Variants in SPTBN4 observed in about 807,000 individuals in gnomAD.
SPTBN4 encodes spectrin beta, non-erythrocytic 4.
Under a neutral mutation model 277.8 loss-of-function variants are expected in SPTBN4, and 96 were observed. That is an observed-to-expected ratio of 0.35 (90% CI 0.29 to 0.41). SPTBN4 has a LOEUF of 0.41. Ranked by LOEUF, SPTBN4 falls within the 10% of genes least tolerant of loss-of-function variation. The probability of loss-of-function intolerance (pLI) is 1.00; values close to 1 mark genes in which losing one functional copy is unlikely to be tolerated. For missense variants in SPTBN4, 3,006 were observed against 3,595.7 expected, an observed-to-expected ratio of 0.84 and a Z score of 4.19; for synonymous variants, 1,481 against 1,580.3, an observed-to-expected ratio of 0.94 and a Z score of 1.49.
At chr19:40,530,493 C>T in intron 18 of SPTBN4, 10 of 979,546 alleles carry the variant, frequency 1.0e-5, no homozygotes, top group Non-Finnish European at 1.2e-5. Flanking sequence ...CCGCCGGAGC[C>T]TCAGCCTTCG....
chr19:40,468,080 C>CTTTT (rs10622374), intron 1 of SPTBN4, among the ~76,000 whole-genome samples: 1 of 144,534 alleles, frequency 6.9e-6, no homozygotes, highest in Non-Finnish European at 1.5e-5. Context: ...ATTATCATTA[C>CTTTT]TTTTTTTTTT....
At chr19:40,566,480 G>T (rs867872080) in intron 30 of SPTBN4, 121 bp downstream of exon 30, 5 of 920,278 alleles carry the variant, frequency 5.4e-6, no homozygotes, top group African/African-American at 3.5e-5. Flanking sequence ...TGAGTGCCAA[G>T]ACAGACTCTT....
chr19:40,541,220 G>A (rs956986151), intron 20 of SPTBN4, among the ~76,000 whole-genome samples: 1 of 152,172 alleles, frequency 6.6e-6, no homozygotes, highest in Non-Finnish European at 1.5e-5. Context: ...CCTGTAGGGG[G>A]TTCAGTCTCA....
At chr19:40,504,546 G>A (rs2080302537) in intron 12 of SPTBN4, among the ~76,000 whole-genome samples, 2 of 152,028 alleles carry the variant, frequency 1.3e-5, no homozygotes, top group South Asian at 4.1e-4. Flanking sequence ...GCGGGCGCCT[G>A]TAGTCCCAGC....
intron 15 of SPTBN4, among the ~76,000 whole-genome samples, chr19:40,516,119 TC>T (rs2080457452): frequency 6.7e-6 from 1 of 149,816 alleles, no homozygotes; most frequent in Non-Finnish European, 1.5e-5. Flanking sequence ...ACATTTGTAG[TC>T]CCAGCTACAT....
chr19:40,496,224 A>G (rs1036165996), intron 6 of SPTBN4, among the ~76,000 whole-genome samples: 10 of 152,122 alleles, frequency 6.6e-5, no homozygotes, highest in Admixed American at 2.0e-4. Context: ...ATCTCGGCTC[A>G]CTGCAACCTC....
intron 20 of SPTBN4, among the ~76,000 whole-genome samples, chr19:40,537,111 G>T (rs547087493): frequency 2.5e-4 from 38 of 152,138 alleles, no homozygotes; most frequent in Admixed American, 5.9e-4. Flanking sequence ...CTGGGTTCAA[G>T]CAGTTCTCCT....
At position 40,550,319 on chromosome 19, in the gene SPTBN4, A is replaced by AAGAACCAGGTGAGC; in HGVS notation, c.4670_4674+9dup. ...GCAGGCGGTCCAGCAGCACATCAAA[A>AAGAACCAGGTGAGC]AGAACCAGGTGAGCAGAGCCAGGTG... is the stretch of plus-strand genomic sequence containing the variant. On this transcript the variant is annotated frameshift_variant, in exon 22 of 36. Coordinates refer to ENST00000598249, the MANE Select transcript of SPTBN4 (RefSeq NM_020971.3). LOFTEE classifies it high-confidence loss of function. 6.2e-7 allele frequency: 1 copy of AAGAACCAGGTGAGC among 1,608,774 alleles called. No homozygotes were observed.
chr19:40,484,709 C>A (rs186034421), intron 2 of SPTBN4, among the ~76,000 whole-genome samples: 30 of 151,712 alleles, frequency 2.0e-4, no homozygotes, highest in African/African-American at 7.3e-4. Flanking sequence ...GGGTGGATCA[C>A]GAGGTCAGGA....
At position 40,502,452 on chromosome 19, in the gene SPTBN4, G is replaced by GCAAC; in HGVS notation, c.1150_1153dup (p.Arg385GlnfsTer17). The GCAAC allele has an allele frequency of 6.2e-7, 1 of 1,613,628 alleles. No individual in the cohort carries two copies. The highest frequency in any genetic ancestry group is 1.3e-5 in the African/African-American group (1 of 75,040). On this transcript the variant is annotated frameshift_variant, in exon 10 of 36. Transcript: ENST00000598249. LOFTEE classifies it high-confidence loss of function. This position sits in a 1 kb window ranked among gnomAD's most constrained non-coding sequence, Gnocchi z 4.9. The stretch of plus-strand genomic sequence containing the variant: ...AGCATCCAGAGCAAACTGCGTGCCT[G>GCAAC]CAACCGTCGCCTCTTTGTGCCTCGG...
At chr19:40,548,452 T>C (rs1004103483) in intron 20 of SPTBN4, among the ~76,000 whole-genome samples, 1 of 152,090 alleles carries the variant, frequency 6.6e-6, no homozygotes, top group African/African-American at 2.4e-5. Flanking sequence ...GGTTGCCCAC[T>C]GCACTCCAGC....
At position 40,554,811 on chromosome 19, in the gene SPTBN4, C is replaced by A. The variant is rs1320599685; in HGVS notation, c.5084+165C>A. 7.5e-6 allele frequency: 8 copies of A among 1,064,538 alleles called. No homozygotes were observed. The highest frequency in any genetic ancestry group is 1.4e-6 in the Non-Finnish European group (1 of 732,410). 65.9% of individuals were successfully genotyped at this position (1,064,538 alleles called of 1,614,324 possible). A position where few individuals can be genotyped will look rare whatever the true frequency, so the allele number is the denominator to read the frequency against. ...AAGTGGGCGGGCCGGAATGGGGGGA[C>A]ACGGCTCAGGGATGGTTGAGAGGGT... On this transcript the variant is annotated intron_variant, in intron 24 of 35. Coordinates refer to ENST00000598249, the MANE Select transcript of SPTBN4 (RefSeq NM_020971.3). This position sits in a 1 kb window ranked among gnomAD's most constrained non-coding sequence, Gnocchi z 5.7.
rs142298838 is a variant in SPTBN4 at position 40,523,194 on chromosome 19, T to C, written c.3655-243T>C. On this transcript the variant is annotated intron_variant, in intron 16 of 35. Coordinates refer to ENST00000598249, the MANE Select transcript of SPTBN4 (RefSeq NM_020971.3). ...AGTGGGATAGGGCTGGGGTGGGAGTTGATAAATTTGGCAGGTTGGTCAGAG... is the reference window on the plus strand; with the variant it reads ...AGTGGGATAGGGCTGGGGTGGGAGTCGATAAATTTGGCAGGTTGGTCAGAG... Among the ~76,000 whole-genome samples, 191 of 152,010 alleles carry C rather than the reference T, an allele frequency of 1.3e-3. 1 individual carries two copies. The highest frequency in any genetic ancestry group is 4.4e-3 in the African/African-American group (181 of 41,446).
chr19:40,570,472 C>T lies in SPTBN4; in HGVS notation c.7063C>T (p.Arg2355Cys), dbSNP rs1340184959. Residue 2355 changes from arginine (R) to cysteine (C), a missense_variant, in exon 33 of 36, where the codon CGC (arginine) becomes TGC (cysteine). Arg to Cys is a radical substitution (Grantham distance 180, BLOSUM62 -3). Around this residue, in one of 5 missense-constraint regions of SPTBN4, gnomAD observed 630 missense variants for 677.6 expected, o/e 0.93. Transcript: ENST00000598249. ...TCAGCCACGCGAGCTTCCCCCAGGT[C>T]GCCTGCCCAACGGGCTTGAGCTGCC... The part of the protein sequence containing the change: ...LPQPRELPPG[R>C]LPNGLELPER... 1.9e-6 allele frequency: 3 copies of T among 1,565,734 alleles called. No homozygotes were observed. The highest frequency in any genetic ancestry group is 2.6e-6 in the Non-Finnish European group (3 of 1,165,002).
At chr19:40,549,123 A>C in intron 20 of SPTBN4, 66 bp from the exon 21 acceptor site, 2 of 1,320,230 alleles carry the variant, frequency 1.5e-6, no homozygotes, top group Non-Finnish European at 2.1e-6. Flanking sequence ...CCATAAGGGT[A>C]CTGGAGAGCC....
chr19:40,484,413 G>A (rs373405938), intron 2 of SPTBN4, among the ~76,000 whole-genome samples: 3 of 152,110 alleles, frequency 2.0e-5, no homozygotes, highest in Non-Finnish European at 2.9e-5. Context: ...CCAACAAATC[G>A]ACTTCACAGT....
At chr19:40,501,096 G>A (rs976332322) in intron 7 of SPTBN4, among the ~76,000 whole-genome samples, 1 of 152,080 alleles carries the variant, frequency 6.6e-6, no homozygotes, top group African/African-American at 2.4e-5. Flanking sequence ...AGTTGAGCCA[G>A]GCATGGTGGT....
In SPTBN4 at chr19:40,567,748, C is replaced by T; in HGVS notation, c.6422C>T (p.Ala2141Val). 1.9e-6 allele frequency: 3 copies of T among 1,546,020 alleles called. No homozygotes were observed. The highest frequency in any genetic ancestry group is 2.8e-5 in the African/African-American group (2 of 71,054). ...TTCTTTGGGGACCCCACGGAACTGGCGGCCAAGGCGGCGCCCCTGCTGCGG... is the reference window on the plus strand; with the variant it reads ...TTCTTTGGGGACCCCACGGAACTGGTGGCCAAGGCGGCGCCCCTGCTGCGG... ...RKFFGDPTELAAKAAPLLRPG... is the reference protein window; with the variant it reads ...RKFFGDPTELVAKAAPLLRPG... The change falls in exon 31 of 36, where the codon GCG (alanine) becomes GTG (valine). Residue 2141 changes from alanine (A) to valine (V), a missense_variant. Coordinates refer to ENST00000598249, the MANE Select transcript of SPTBN4 (RefSeq NM_020971.3).
intron 7 of SPTBN4, among the ~76,000 whole-genome samples, chr19:40,500,175 C>G (rs1568779326): frequency 6.6e-6 from 1 of 151,252 alleles, no homozygotes; most frequent in African/African-American, 2.4e-5. Flanking sequence ...CAACACTGCA[C>G]CCCAGATCCC....
Sources: gnomAD v4.1 joint callset for allele counts (sites outside exome capture counted in the v4.1 genomes callset) on GRCh38, gnomAD v4.1.1 for gene constraint, gnomAD v4.1.1 regional missense constraint, Gnocchi (gnomAD v3.1) non-coding constraint, MANE v1.5 for transcripts, NCBI Gene and HGNC (gene_info 2026-07-23, HGNC 2026-07-21) for gene names.